PPP2R2C: variants seen among roughly 807,000 people sequenced by gnomAD.
The protein encoded by PPP2R2C is protein phosphatase 2, regulatory subunit B, gamma.
In PPP2R2C, 10 loss-of-function variants were observed where a neutral mutation model predicts 45.3. That is an observed-to-expected ratio of 0.22 (90% CI 0.14 to 0.37). PPP2R2C has a LOEUF of 0.37. PPP2R2C is among the 10% of genes least tolerant of loss of function. The probability of loss-of-function intolerance (pLI) is 1.00; values close to 1 mark genes in which losing one functional copy is unlikely to be tolerated. For synonymous variants in PPP2R2C, 257 were observed against 245.4 expected, an observed-to-expected ratio of 1.05 and a Z score of -0.44; for missense variants, 308 against 619.7, an observed-to-expected ratio of 0.50 and a Z score of 5.34.
rs544238823 is a variant in PPP2R2C at position 6,394,950 on chromosome 4, G to A, written c.71-13856C>T. On this transcript the variant is annotated intron_variant, in intron 1 of 8. Coordinates refer to ENST00000382599, the MANE Select transcript of PPP2R2C (RefSeq NM_020416.4). Reference sequence around the variant, plus strand: ...GCTTTGTCTCTGGCCATAATTCCCTGAGCTGGGTGCTGGGGTCACAGTTGG... The same window carrying A: ...GCTTTGTCTCTGGCCATAATTCCCTAAGCTGGGTGCTGGGGTCACAGTTGG... Among the ~76,000 whole-genome samples, 1,207 of 152,264 alleles carry A rather than the reference G, an allele frequency of 7.9e-3. 8 individuals carry two copies. The highest frequency in any genetic ancestry group is 0.013 in the Non-Finnish European group (893 of 68,012).
At chr4:6,515,867 C>A (rs1723815118) in intron 2 of PPP2R2C, among the ~76,000 whole-genome samples, 1 of 152,186 alleles carries the variant, frequency 6.6e-6, no homozygotes, top group African/African-American at 2.4e-5. Flanking sequence ...TTCTTCCTCA[C>A]CTCTCCCAGC....
intron 1 of PPP2R2C, among the ~76,000 whole-genome samples, chr4:6,447,373 A>C (rs573060569): frequency 6.6e-6 from 1 of 152,170 alleles, no homozygotes; most frequent in South Asian, 2.1e-4. Flanking sequence ...AATCCCCTTG[A>C]AATAACCCCA....
At chr4:6,544,875 G>A (rs1724926576) in intron 1 of PPP2R2C, among the ~76,000 whole-genome samples, 2 of 152,310 alleles carry the variant, frequency 1.3e-5, no homozygotes. Context: ...TGCACAGTGA[G>A]GTTGATTCCA....
intron 1 of PPP2R2C, among the ~76,000 whole-genome samples, chr4:6,539,562 C>T (rs902454694): frequency 2.0e-5 from 3 of 152,098 alleles, no homozygotes; most frequent in African/African-American, 7.2e-5. Context: ...AGGACGATTC[C>T]TGCCACTGCT....
chr4:6,555,994 T>C (rs61249020), intron 1 of PPP2R2C, among the ~76,000 whole-genome samples: 2,919 of 152,154 alleles, frequency 0.019, 96 homozygotes, highest in African/African-American at 0.067. Context: ...AGCCCAAGAG[T>C]GAGCCCTGGG....
chr4:6,354,407 G>A (rs565820454), intron 5 of PPP2R2C, among the ~76,000 whole-genome samples: 2 of 152,214 alleles, frequency 1.3e-5, no homozygotes, highest in South Asian at 4.2e-4. Flanking sequence ...CTCATCCTCA[G>A]GACCATTGTG....
intron 1 of PPP2R2C, chr4:6,383,886 C>T: frequency 2.0e-6 from 2 of 989,336 alleles, no homozygotes; most frequent in Non-Finnish European, 2.4e-6. Flanking sequence ...AGCTCCTGGC[C>T]TGCCCTGGCC....
At chr4:6,561,023 T>C (rs1356416340) in intron 1 of PPP2R2C, among the ~76,000 whole-genome samples, 3 of 152,204 alleles carry the variant, frequency 2.0e-5, no homozygotes, top group Admixed American at 6.5e-5. Context: ...CCCCAGTGCA[T>C]CCTGGGGTGG....
intron 1 of PPP2R2C, among the ~76,000 whole-genome samples, chr4:6,466,839 GCT>G (rs1449222621): frequency 1.3e-5 from 2 of 152,168 alleles, no homozygotes; most frequent in African/African-American, 4.8e-5. Context: ...GAAAAACCGT[GCT>G]CTGTGACTGC....
At chr4:6,340,367 C>T (rs915728947) in intron 6 of PPP2R2C, among the ~76,000 whole-genome samples, 4 of 107,876 alleles carry the variant, frequency 3.7e-5, no homozygotes, top group Admixed American at 3.7e-4. Context: ...CTCTCCTGAC[C>T]CCTGAGGTGC....
At chr4:6,506,299 G>A (rs568399405) in intron 2 of PPP2R2C, among the ~76,000 whole-genome samples, 43 of 152,308 alleles carry the variant, frequency 2.8e-4, no homozygotes, top group African/African-American at 8.7e-4. Context: ...AATTGAACAC[G>A]TAAGATCTGT....
intron 5 of PPP2R2C, chr4:6,350,314 G>A: frequency 1.0e-6 from 1 of 985,456 alleles, no homozygotes; most frequent in Non-Finnish European, 1.2e-6. Context: ...CAGCTCTCAG[G>A]TCCTTACTGA....
rs1440925156 is a variant in PPP2R2C at position 6,364,777 on chromosome 4, A to G, written c.625+7746T>C. 6.6e-6 allele frequency among the ~76,000 whole-genome samples: 1 copy of G among 152,038 alleles called. No homozygotes were observed. Among genetic ancestry groups the G allele is most frequent in the Admixed American group, 6.5e-5 (1 of 15,272 alleles). On this transcript the variant is annotated intron_variant, in intron 5 of 8. Transcript: ENST00000382599. This position sits in a 1 kb window ranked among gnomAD's most constrained non-coding sequence, Gnocchi z 5.3. ...CCCTGGCAGTCTGGCTCCTAGACCT[A>G]AGAAGGGAGGCCAGTCAGGTCACCA...
intron 1 of PPP2R2C, chr4:6,381,888 C>G (rs896912413): frequency 1.9e-6 from 3 of 1,603,100 alleles, no homozygotes; most frequent in Non-Finnish European, 2.6e-6. Flanking sequence ...AGGGGAACAC[C>G]CCTTCCATCA....
intron 5 of PPP2R2C, among the ~76,000 whole-genome samples, chr4:6,361,284 T>A (rs758259448): frequency 6.6e-6 from 1 of 152,226 alleles, no homozygotes; most frequent in African/African-American, 2.4e-5. Flanking sequence ...CTCTGTGTGG[T>A]GAGTCCATCT....
chr4:6,534,453 C>T (rs1724525601), intron 2 of PPP2R2C, among the ~76,000 whole-genome samples: 1 of 151,622 alleles, frequency 6.6e-6, no homozygotes, highest in South Asian at 2.1e-4. Flanking sequence ...AACAAACACA[C>T]ACCAACACAC....
intron 2 of PPP2R2C, among the ~76,000 whole-genome samples, chr4:6,525,853 G>A (rs189307418): frequency 7.2e-5 from 11 of 152,138 alleles, no homozygotes; most frequent in Middle Eastern, 3.4e-3. Flanking sequence ...ACAGGCACTC[G>A]TCACCACACC....
At position 6,434,359 on chromosome 4, in the gene PPP2R2C, C is replaced by CTTTTTTTTTTTTTTTTTTTTTT. The variant is rs34292067; in HGVS notation, c.70+37800_70+37801insAAAAAAAAAAAAAAAAAAAAAA. Among the ~76,000 whole-genome samples, 2 of 116,140 alleles carry CTTTTTTTTTTTTTTTTTTTTTT rather than the reference C, an allele frequency of 1.7e-5. 1 individual carries two copies. 76.2% of individuals were successfully genotyped at this position (116,140 alleles called of 152,430 possible). ...CACCTGCGTATTTCTTTTTTCTTTT[C>CTTTTTTTTTTTTTTTTTTTTTT]TTTTTTTTTTTTTTTTGGAGACAGA... On this transcript the variant is annotated intron_variant, in intron 1 of 8. Transcript: ENST00000382599.
chr4:6,424,577 G>A (rs1030253970), intron 1 of PPP2R2C, among the ~76,000 whole-genome samples: 9 of 152,192 alleles, frequency 5.9e-5, no homozygotes, highest in African/African-American at 7.2e-5. Context: ...GCCAGACCTC[G>A]CCAGGCAGTG....
Sources: allele counts gnomAD v4.1 joint callset (sites outside exome capture counted in the v4.1 genomes callset), GRCh38; gene constraint gnomAD v4.1.1; non-coding constraint Gnocchi (gnomAD v3.1); transcripts MANE v1.5; gene names NCBI Gene and HGNC (gene_info 2026-07-23, HGNC 2026-07-21).